The following DCC variants were observed in gnomAD, a reference collection of about 807,000 sequenced individuals.
The protein encoded by DCC is DCC netrin 1 receptor.
DCC carries 58 observed loss-of-function variants against 172.5 expected under a neutral mutation model. The observed-to-expected ratio is 0.34, with a 90% CI of 0.27 to 0.42. The LOEUF (loss-of-function observed/expected upper bound fraction) is 0.42, where lower values mean the gene tolerates loss of function less well. DCC is among the 10% of genes least tolerant of loss of function. The pLI is 1.00. For missense variants in DCC, 1,740 were observed against 1,791.0 expected (o/e 0.97, Z 0.51); for synonymous variants, 709 against 644.5 (o/e 1.10, Z -1.52).
chr18:52,754,892 G>C (rs2037055710), intron 2 of DCC, among the ~76,000 whole-genome samples: 1 of 152,220 alleles, frequency 6.6e-6, no homozygotes, highest in East Asian at 1.9e-4. Context: ...TGCAGATGCA[G>C]AAAACCCCCT....
chr18:53,315,181 T>A (rs950128128), intron 13 of DCC, among the ~76,000 whole-genome samples: 1 of 152,182 alleles, frequency 6.6e-6, no homozygotes, highest in Non-Finnish European at 1.5e-5. Context: ...TTCTCATTGT[T>A]CAACTCCCAC....
chr18:52,961,243 TAACA>T (rs1303842603), intron 5 of DCC, among the ~76,000 whole-genome samples: 4 of 152,186 alleles, frequency 2.6e-5, no homozygotes, highest in Admixed American at 2.0e-4. Flanking sequence ...TATACATATG[TAACA>T]AACCTGCACG....
At chr18:52,793,940 G>A (rs2037823030) in intron 2 of DCC, among the ~76,000 whole-genome samples, 3 of 151,864 alleles carry the variant, frequency 2.0e-5, no homozygotes, top group Admixed American at 1.3e-4. Context: ...AAAATCAGTT[G>A]GCTGTAAATA....
At chr18:53,412,973 C>G (rs1314300658) in intron 20 of DCC, among the ~76,000 whole-genome samples, 2 of 152,108 alleles carry the variant, frequency 1.3e-5, no homozygotes, top group Non-Finnish European at 2.9e-5. Flanking sequence ...CACATAGGAA[C>G]CTGCACATAC....
At chr18:53,419,741 C>G (rs962033563) in intron 21 of DCC, among the ~76,000 whole-genome samples, 9 of 151,960 alleles carry the variant, frequency 5.9e-5, no homozygotes, top group African/African-American at 9.7e-5. Context: ...AAGTGAAGCT[C>G]AGAGAGATGT....
At chr18:52,639,314 A>G (rs1445238553) in intron 1 of DCC, among the ~76,000 whole-genome samples, 1 of 152,170 alleles carries the variant, frequency 6.6e-6, no homozygotes, top group East Asian at 1.9e-4. Context: ...CCAAGATCAG[A>G]GCAGATTTAA....
chr18:52,454,543 C>T (rs1420275157), intron 1 of DCC, among the ~76,000 whole-genome samples: 1 of 151,786 alleles, frequency 6.6e-6, no homozygotes, highest in Non-Finnish European at 1.5e-5. Context: ...AAATTAATTC[C>T]ACTCCTATTG....
intron 11 of DCC, 117 bp from the exon 12 acceptor site, chr18:53,215,431 A>T: frequency 1.2e-6 from 1 of 851,144 alleles, no homozygotes; most frequent in Non-Finnish European, 2.0e-6. Context: ...GGGTTAACCT[A>T]CCTAATTATC....
intron 22 of DCC, among the ~76,000 whole-genome samples, chr18:53,448,055 T>TTGTTTG (rs950501179): frequency 6.7e-6 from 1 of 149,562 alleles, no homozygotes; most frequent in African/African-American, 2.5e-5. Context: ...GAGTTTTTTT[T>TTGTTTG]TTTTTTTTTT....
At chr18:52,995,666 C>T (rs1380900807) in intron 5 of DCC, among the ~76,000 whole-genome samples, 1 of 151,964 alleles carries the variant, frequency 6.6e-6, no homozygotes, top group Non-Finnish European at 1.5e-5. Context: ...TGTCTCCAGC[C>T]TCCTTAAGTT....
At chr18:52,655,425 C>G (rs1283053667) in intron 1 of DCC, among the ~76,000 whole-genome samples, 1 of 152,140 alleles carries the variant, frequency 6.6e-6, no homozygotes, top group Non-Finnish European at 1.5e-5. Flanking sequence ...GAGATTAAGT[C>G]TTTTTGTGCC....
chr18:52,540,991 A>G (rs2032429705), intron 1 of DCC, among the ~76,000 whole-genome samples: 1 of 152,162 alleles, frequency 6.6e-6, no homozygotes, highest in Non-Finnish European at 1.5e-5. Flanking sequence ...TAGCAAGAAT[A>G]TCAAGGATGA....
chr18:53,023,493 G>A (rs2041913932), intron 5 of DCC, among the ~76,000 whole-genome samples: 1 of 148,906 alleles, frequency 6.7e-6, no homozygotes, highest in African/African-American at 2.5e-5. Flanking sequence ...TGGACCCTGT[G>A]ATGAAATAAT....
chr18:52,404,007 A>G (rs1473303003), intron 1 of DCC, among the ~76,000 whole-genome samples: 1 of 152,080 alleles, frequency 6.6e-6, no homozygotes, highest in Non-Finnish European at 1.5e-5. Flanking sequence ...TAGATTCAGA[A>G]TGGTCATTTT....
intron 5 of DCC, among the ~76,000 whole-genome samples, chr18:53,007,905 C>T (rs947749845): frequency 6.6e-6 from 1 of 152,106 alleles, no homozygotes; most frequent in African/African-American, 2.4e-5. Flanking sequence ...TGGGCTCATT[C>T]AAATGCTGGT....
chr18:53,049,380 T>C (rs954311122), intron 5 of DCC, among the ~76,000 whole-genome samples: 9 of 152,112 alleles, frequency 5.9e-5, no homozygotes, highest in African/African-American at 1.9e-4. Context: ...CAGGAAGGGG[T>C]CCAGTTTCAA....
intron 7 of DCC, among the ~76,000 whole-genome samples, chr18:53,118,770 C>T (rs2043442273): frequency 6.6e-6 from 1 of 151,704 alleles, no homozygotes; most frequent in Non-Finnish European, 1.5e-5. Flanking sequence ...AGAAACATGA[C>T]TGACATTAAC....
intron 5 of DCC, among the ~76,000 whole-genome samples, chr18:52,953,023 A>AAAAAAAAAAAAAC (rs1410549172): frequency 6.7e-6 from 1 of 149,150 alleles, no homozygotes; most frequent in Non-Finnish European, 1.5e-5. Context: ...AAAAAAAAAA[A>AAAAAAAAAAAAAC]AAAAACTCAT....
intron 22 of DCC, among the ~76,000 whole-genome samples, chr18:53,443,928 T>G (rs886985215): frequency 6.6e-6 from 1 of 152,222 alleles, no homozygotes; most frequent in Non-Finnish European, 1.5e-5. Flanking sequence ...AAGAAGTGAC[T>G]GAACTGCTGC....
Sources: gnomAD v4.1 joint callset for allele counts (sites outside exome capture counted in the v4.1 genomes callset) on GRCh38, gnomAD v4.1.1 for gene constraint, MANE v1.5 for transcripts, NCBI Gene and HGNC (gene_info 2026-07-23, HGNC 2026-07-21) for gene names.